The following SORBS2 variants were observed in gnomAD, a reference collection of about 807,000 sequenced individuals.
SORBS2 encodes sorbin and SH3 domain containing 2.
Under a neutral mutation model 97.7 loss-of-function variants are expected in SORBS2, and 46 were observed. The observed-to-expected ratio is 0.47, with a 90% CI of 0.37 to 0.60. SORBS2 has a LOEUF of 0.60. Ranked by LOEUF, SORBS2 falls within the 20% of genes least tolerant of loss-of-function variation. The probability of loss-of-function intolerance (pLI) is 0.00; values close to 1 mark genes in which losing one functional copy is unlikely to be tolerated. For synonymous variants in SORBS2, 476 were observed against 473.4 expected (o/e 1.01, Z -0.07); for missense variants, 1,316 against 1,282.3 (o/e 1.03, Z -0.40).
rs556441000 is a variant in SORBS2, at chr4:185,949,323, G to A, written c.-338+6873C>T. Among the ~76,000 whole-genome samples, 314 of 152,306 alleles carry A rather than the reference G, an allele frequency of 2.1e-3. 1 individual carries two copies. The highest frequency in any genetic ancestry group is 7.2e-3 in the African/African-American group (299 of 41,578). ...CCAGTATTGAATCTGGACTGGACCC[G>A]AGCAGAAATAATTGTTTCCAACTTT... is the stretch of plus-strand genomic sequence containing the variant. On this transcript the variant is annotated intron_variant, in intron 1 of 20. Transcript: ENST00000284776.
chr4:185,760,619 G>A (rs148697356), intron 2 of SORBS2, among the ~76,000 whole-genome samples: 46 of 152,134 alleles, frequency 3.0e-4, no homozygotes, highest in Admixed American at 4.6e-4. Flanking sequence ...TGCATAATGC[G>A]TCTACACAGG....
chr4:185,677,093 TAG>T (rs1561857462), intron 4 of SORBS2: 1 of 1,551,528 alleles, frequency 6.4e-7, no homozygotes, highest in African/African-American at 1.4e-5. Context: ...AAAGCTCAGG[TAG>T]CTGTTTGTGG....
chr4:185,874,184 G>A (rs2099232024), intron 1 of SORBS2, among the ~76,000 whole-genome samples: 1 of 152,112 alleles, frequency 6.6e-6, no homozygotes, highest in Admixed American at 6.5e-5. Flanking sequence ...CTGAGGCGCT[G>A]GAACATAGTG....
At chr4:185,890,222 C>CT (rs2099241772) in intron 1 of SORBS2, among the ~76,000 whole-genome samples, 1 of 152,294 alleles carries the variant, frequency 6.6e-6, no homozygotes, top group East Asian at 1.9e-4. Context: ...TAATATATCA[C>CT]TTTTTTGTAT....
chr4:185,802,964 T>C lies in SORBS2; in HGVS notation c.-337-27598A>G, dbSNP rs1487509390. ...AGTGCATGCAGATTTCTCCAATGCT[T>C]TGCTTTTGGTTGGAAGCAGAAACAT... On this transcript the variant is annotated intron_variant, in intron 1 of 20. Coordinates refer to the SORBS2 transcript ENST00000284776. Among the ~76,000 whole-genome samples the C allele has an allele frequency of 3.3e-5, 5 of 152,224 alleles. No homozygotes were observed. The East Asian group carries it at 9.6e-4, about 29-fold the overall frequency.
intron 1 of SORBS2, among the ~76,000 whole-genome samples, chr4:185,804,496 C>T (rs763198259): frequency 1.3e-5 from 2 of 152,150 alleles, no homozygotes; most frequent in Non-Finnish European, 2.9e-5. Flanking sequence ...TAAGACAAAG[C>T]GATTCAATGT....
At chr4:185,786,691 G>A (rs759103521) in intron 1 of SORBS2, among the ~76,000 whole-genome samples, 6 of 152,206 alleles carry the variant, frequency 3.9e-5, no homozygotes, top group East Asian at 1.9e-4. Context: ...GCTGGGCATC[G>A]TGGCTCACGC....
rs934465018 is a variant in SORBS2, at chr4:185,677,358, T to C, written c.-46+1065A>G. ...CTCTTGTAGAACTGGGGTGTTGATG[T>C]TAGCGAATGGTGCAGGATCCGTGCT... is the stretch of plus-strand genomic sequence containing the variant. On this transcript the variant is annotated intron_variant, in intron 4 of 20. Transcript: ENST00000284776. The C allele has an allele frequency of 3.2e-6, 5 of 1,552,380 alleles. No homozygotes were observed. In the African/African-American group the frequency reaches 5.5e-5, roughly 17 times the overall value.
chr4:185,668,251 T>C (rs2097650284), intron 4 of SORBS2, among the ~76,000 whole-genome samples: 1 of 152,242 alleles, frequency 6.6e-6, no homozygotes, highest in Non-Finnish European at 1.5e-5. Context: ...ATCATTAGTT[T>C]GCATAGCACT....
intron 4 of SORBS2, among the ~76,000 whole-genome samples, chr4:185,669,417 T>G (rs1197550817): frequency 6.6e-6 from 1 of 152,166 alleles, no homozygotes; most frequent in Non-Finnish European, 1.5e-5. Flanking sequence ...AATATGACCT[T>G]TAGTTCGCTC....
At chr4:185,665,654 G>A (rs984396578) in intron 4 of SORBS2, 5 of 657,816 alleles carry the variant, frequency 7.6e-6, no homozygotes, top group Non-Finnish European at 9.4e-6. Context: ...AAATAAAAAT[G>A]TCAGCCGAAA....
chr4:185,824,687 T>C (rs1005653274), intron 1 of SORBS2, among the ~76,000 whole-genome samples: 1 of 152,162 alleles, frequency 6.6e-6, no homozygotes, highest in Non-Finnish European at 1.5e-5. Flanking sequence ...GGATGCTTTT[T>C]TTTTTCTTTT....
chr4:185,860,084 C>A (rs1251319864), intron 1 of SORBS2, among the ~76,000 whole-genome samples: 2 of 152,130 alleles, frequency 1.3e-5, no homozygotes, highest in Non-Finnish European at 2.9e-5. Flanking sequence ...TAAGCAGGTG[C>A]AGGTTCCAGA....
At position 185,684,863 on chromosome 4, in the gene SORBS2, G is replaced by A; in HGVS notation, c.-197-6041C>T. The A allele has an allele frequency of 6.5e-7, 1 of 1,547,346 alleles. No individual in the cohort carries two copies. The highest frequency in any genetic ancestry group is 8.7e-7 in the Non-Finnish European group (1 of 1,143,048). On this transcript the variant is annotated intron_variant, in intron 2 of 20. Coordinates refer to the SORBS2 transcript ENST00000284776. The surrounding 1 kb of genome is among the most constrained non-coding windows in gnomAD (Gnocchi z 4.2). ...CACCGCTATCTGGAAGCAAAAAAAT[G>A]ATATAGCAGAGGCCAAGGCAACGGG...
intron 1 of SORBS2, among the ~76,000 whole-genome samples, chr4:185,816,057 G>A (rs181791871): frequency 9.6e-4 from 147 of 152,340 alleles, no homozygotes; most frequent in Non-Finnish European, 1.4e-3. Context: ...CTGTTACTCT[G>A]AGGAGGCTAC....
At chr4:185,704,195 A>G (rs1249102781) in intron 2 of SORBS2, among the ~76,000 whole-genome samples, 1 of 152,162 alleles carries the variant, frequency 6.6e-6, no homozygotes, top group Non-Finnish European at 1.5e-5. Context: ...TTCAGACATA[A>G]TTCATATTTA....
chr4:185,688,178 C>T (rs2098008819), intron 2 of SORBS2, among the ~76,000 whole-genome samples: 1 of 152,110 alleles, frequency 6.6e-6, no homozygotes, highest in Admixed American at 6.6e-5. Context: ...TATATATTTT[C>T]TACATTGTTT....
Position 185,678,838 on chromosome 4 carries a change from AT to A in SORBS2, c.-197-17del, listed in dbSNP as rs1166649951. ...GAATCACGCCCTGAAAGAAAAAAAA[AT>A]GTTGAAATTAAGACTAAGGTGAAAT... is the stretch of plus-strand genomic sequence containing the variant. On this transcript the variant is annotated splice_polypyrimidine_tract_variant and intron_variant, in intron 2 of 20. Coordinates refer to the SORBS2 transcript ENST00000284776. The A allele has an allele frequency of 5.1e-5, 72 of 1,420,300 alleles. No individual in the cohort carries two copies. Among genetic ancestry groups the A allele is most frequent in the Non-Finnish European group, 6.5e-5 (70 of 1,070,512 alleles). 88.0% of individuals were successfully genotyped at this position (1,420,300 alleles called of 1,614,324 possible).
intron 2 of SORBS2, among the ~76,000 whole-genome samples, chr4:185,707,188 C>A (rs2098357188): frequency 6.6e-6 from 1 of 152,082 alleles, no homozygotes; most frequent in Non-Finnish European, 1.5e-5. Context: ...ACCAAACAAG[C>A]TAAATACTAT....
Sources: allele counts gnomAD v4.1 joint callset (sites outside exome capture counted in the v4.1 genomes callset), GRCh38; gene constraint gnomAD v4.1.1; non-coding constraint Gnocchi (gnomAD v3.1); transcripts MANE v1.5; gene names NCBI Gene and HGNC (gene_info 2026-07-23, HGNC 2026-07-21).